The following RBPMS variants were observed in gnomAD, a reference collection of about 807,000 sequenced individuals.
RBPMS encodes RNA binding protein, mRNA processing factor, also known as RNA-binding protein with multiple splicing.
Under a neutral mutation model 26.8 loss-of-function variants are expected in RBPMS, and 7 were observed. The ratio of observed to expected loss-of-function variants is 0.26; its 90% CI spans 0.15 to 0.49. The LOEUF (loss-of-function observed/expected upper bound fraction) is 0.49. RBPMS is among the 20% of genes least tolerant of loss of function. RBPMS has a pLI of 0.98. For missense variants in RBPMS, 186 were observed against 250.0 expected, an observed-to-expected ratio of 0.74 and a Z score of 1.73; for synonymous variants, 96 against 93.3, an observed-to-expected ratio of 1.03 and a Z score of -0.17.
intron 6 of RBPMS, among the ~76,000 whole-genome samples, chr8:30,548,614 CTG>C (rs1826050573): frequency 6.6e-6 from 1 of 152,200 alleles, no homozygotes; most frequent in Admixed American, 6.5e-5. Flanking sequence ...TGGGATGGCT[CTG>C]TGACACACTG....
At chr8:30,519,459 T>TC (rs1563403639) in intron 5 of RBPMS, among the ~76,000 whole-genome samples, 1 of 1,548 alleles carries the variant, frequency 6.5e-4, no homozygotes, top group Admixed American at 0.012. Context: ...GATCTCTCTC[T>TC]TTTTTTTTTT....
chr8:30,417,576 G>A (rs553575097), intron 1 of RBPMS, among the ~76,000 whole-genome samples: 14 of 152,184 alleles, frequency 9.2e-5, no homozygotes, highest in Non-Finnish European at 1.9e-4. Flanking sequence ...ACAATGCCAT[G>A]TACATTCCCC....
chr8:30,529,668 T>C (rs556896706), intron 5 of RBPMS, among the ~76,000 whole-genome samples: 8 of 152,250 alleles, frequency 5.3e-5, no homozygotes, highest in Middle Eastern at 3.4e-3. Flanking sequence ...TCATACAATA[T>C]TTGTCCTTTT....
At chr8:30,422,079 A>G (rs1810862416) in intron 1 of RBPMS, among the ~76,000 whole-genome samples, 1 of 151,728 alleles carries the variant, frequency 6.6e-6, no homozygotes, top group Non-Finnish European at 1.5e-5. Flanking sequence ...AGGATAATCT[A>G]CTGTTGTTTT....
intron 4 of RBPMS, among the ~76,000 whole-genome samples, chr8:30,483,342 T>C (rs1818467830): frequency 6.6e-6 from 1 of 152,206 alleles, no homozygotes. Flanking sequence ...TAGACTGTAT[T>C]ATGTTACACG....
At chr8:30,480,588 A>G (rs1406716826) in intron 4 of RBPMS, among the ~76,000 whole-genome samples, 1 of 152,208 alleles carries the variant, frequency 6.6e-6, no homozygotes, top group Non-Finnish European at 1.5e-5. Flanking sequence ...CTGGATTTGG[A>G]TAAATGACCT....
intron 5 of RBPMS, among the ~76,000 whole-genome samples, chr8:30,517,272 G>C (rs140073301): frequency 6.7e-4 from 96 of 143,662 alleles, no homozygotes; most frequent in Non-Finnish European, 1.2e-3. Flanking sequence ...TTTCATTTTG[G>C]AAAACATTGG....
intron 5 of RBPMS, among the ~76,000 whole-genome samples, chr8:30,517,088 T>C (rs1822406283): frequency 6.6e-6 from 1 of 152,190 alleles, no homozygotes; most frequent in Non-Finnish European, 1.5e-5. Context: ...AGATATTGTA[T>C]GAATGGGATT....
Position 30,544,636 on chromosome 8 carries a change from C to T in RBPMS, c.528+12C>T. On this transcript the variant is annotated intron_variant, in intron 6 of 8. Transcript: ENST00000397323. The stretch of plus-strand genomic sequence containing the variant: ...CACTGCATGCCCAGGTAATTGATAC[C>T]CATCGGCCAGGACTTCACTCACTTC... 1.2e-6 allele frequency: 2 copies of T among 1,613,666 alleles called. No individual in the cohort carries two copies. The highest frequency in any genetic ancestry group is 1.7e-6 in the Non-Finnish European group (2 of 1,180,006).
intron 5 of RBPMS, among the ~76,000 whole-genome samples, chr8:30,542,518 G>A (rs1181174245): frequency 3.3e-5 from 5 of 152,190 alleles, no homozygotes; most frequent in Admixed American, 6.5e-5. Context: ...ACAGGCTGCA[G>A]GCCAAACACG....
chr8:30,445,156 T>G (rs1441877546), intron 1 of RBPMS: 1 of 152,184 alleles, frequency 6.6e-6, no homozygotes, highest in Non-Finnish European at 1.5e-5. Flanking sequence ...CTATTGAAAA[T>G]ACACTGTAGC....
At chr8:30,520,190 G>T (rs1198885501) in intron 5 of RBPMS, among the ~76,000 whole-genome samples, 1 of 152,058 alleles carries the variant, frequency 6.6e-6, no homozygotes, top group South Asian at 2.1e-4. Flanking sequence ...GAAAAATGTT[G>T]ATTTTTCTAA....
chr8:30,555,455 G>A (rs898710915), intron 6 of RBPMS, among the ~76,000 whole-genome samples: 3 of 152,196 alleles, frequency 2.0e-5, no homozygotes, highest in Non-Finnish European at 2.9e-5. Context: ...TAAATGTCAG[G>A]GTCAGTTTGG....
intron 1 of RBPMS, among the ~76,000 whole-genome samples, chr8:30,439,228 CTT>C (rs562161476): frequency 2.8e-4 from 43 of 152,268 alleles, no homozygotes; most frequent in Middle Eastern, 3.4e-3. Context: ...TGGAGATAAA[CTT>C]TGTGTGTGCT....
rs2151077238 is a variant in RBPMS at position 30,556,066 on chromosome 8, A to G, written c.529-2821A>G. 3.1e-6 allele frequency: 3 copies of G among 981,198 alleles called. No individual in the cohort carries two copies. In the Middle Eastern group the frequency reaches 1.6e-3, roughly 513 times the overall value. 60.8% of individuals were successfully genotyped at this position (981,198 alleles called of 1,614,324 possible). ...GCAGCGGAGCCTCTCAGGCTGGAAG[A>G]GGAGGCAGCCGTGGGTGTCTGTGGA... On this transcript the variant is annotated intron_variant, in intron 6 of 8. Coordinates refer to ENST00000397323, the MANE Select transcript of RBPMS (RefSeq NM_001008710.3).
At chr8:30,528,089 C>T (rs1823788723) in intron 5 of RBPMS, among the ~76,000 whole-genome samples, 1 of 151,820 alleles carries the variant, frequency 6.6e-6, no homozygotes. Flanking sequence ...GCAGGAGAAT[C>T]GCTTGAACCC....
rs745525291 is a variant in RBPMS, at chr8:30,477,781, G to A, written c.145-18G>A. On this transcript the variant is annotated intron_variant, in intron 2 of 8. Coordinates refer to ENST00000397323, the MANE Select transcript of RBPMS (RefSeq NM_001008710.3). Reference sequence around the variant, plus strand: ...CTACAGTTACTTTTGGCTAAACTTGGTTTTTCTTTATTTTCAGGGCTATGA... The same window carrying A: ...CTACAGTTACTTTTGGCTAAACTTGATTTTTCTTTATTTTCAGGGCTATGA... 6.3e-7 allele frequency: 1 copy of A among 1,596,014 alleles called. No individual in the cohort carries two copies. Among genetic ancestry groups the A allele is most frequent in the South Asian group, 1.1e-5 (1 of 89,952 alleles).
chr8:30,453,108 T>A (rs1336845015), intron 1 of RBPMS, among the ~76,000 whole-genome samples: 1 of 152,206 alleles, frequency 6.6e-6, no homozygotes, highest in Non-Finnish European at 1.5e-5. Context: ...TTTAGAGTCC[T>A]TGTTAACGAG....
At chr8:30,549,755 T>C (rs868256618) in intron 6 of RBPMS, among the ~76,000 whole-genome samples, 19 of 129,494 alleles carry the variant, frequency 1.5e-4, no homozygotes, top group African/African-American at 3.9e-4. Context: ...TCTTTCCTTT[T>C]CTTTTCTTTT....
Sources: allele counts gnomAD v4.1 joint callset (sites outside exome capture counted in the v4.1 genomes callset), GRCh38; gene constraint gnomAD v4.1.1; transcripts MANE v1.5; gene names NCBI Gene and HGNC (gene_info 2026-07-23, HGNC 2026-07-21).